Variants in IL1RAPL1 observed in about 807,000 individuals in gnomAD.
IL1RAPL1 encodes the protein interleukin 1 receptor accessory protein like 1, also known as interleukin-1 receptor accessory protein-like 1.
In IL1RAPL1, 3 loss-of-function variants were observed where a neutral mutation model predicts 48.4. The observed-to-expected ratio is 0.06, with a 90% CI of 0.03 to 0.16. The LOEUF (loss-of-function observed/expected upper bound fraction) is 0.16. IL1RAPL1 is among the 10% of genes least tolerant of loss of function. The probability of loss-of-function intolerance (pLI) is 1.00; values close to 1 mark genes in which losing one functional copy is unlikely to be tolerated. For missense variants in IL1RAPL1, 349 were observed against 530.6 expected (o/e 0.66, Z 3.36); for synonymous variants, 185 against 187.7 (o/e 0.99, Z 0.12).
chrX:29,583,831 G>T (rs925924883), intron 5 of IL1RAPL1, among the ~76,000 whole-genome samples: 2 of 111,398 alleles, frequency 1.8e-5, no homozygotes, highest in South Asian at 3.7e-4. Flanking sequence ...CATCTTAAAA[G>T]GATACATTGG....
At chrX:29,643,138 C>T (rs369699979) in intron 5 of IL1RAPL1, among the ~76,000 whole-genome samples, 10 of 112,185 alleles carry the variant, frequency 8.9e-5, no homozygotes, top group African/African-American at 1.9e-4. Context: ...TAGCTATGTA[C>T]GCTTTTTCTC....
intron 1 of IL1RAPL1, among the ~76,000 whole-genome samples, chrX:28,607,353 T>C (rs1313700885): frequency 9.0e-6 from 1 of 111,338 alleles, no homozygotes; most frequent in Non-Finnish European, 1.9e-5. Flanking sequence ...TTTAAAGATA[T>C]AGATTCTAGA....
intron 2 of IL1RAPL1, among the ~76,000 whole-genome samples, chrX:28,944,078 C>A (rs1924233475): frequency 9.1e-6 from 1 of 110,089 alleles, no homozygotes; most frequent in Non-Finnish European, 1.9e-5. Flanking sequence ...GTTATGGAAG[C>A]CAAAGATCGA....
intron 2 of IL1RAPL1, among the ~76,000 whole-genome samples, chrX:29,120,303 A>C (rs1381074515): frequency 9.0e-6 from 1 of 111,642 alleles, no homozygotes; most frequent in Non-Finnish European, 1.9e-5. Flanking sequence ...ATTCATCTCG[A>C]GTTATTTTTT....
At chrX:28,710,911 A>T (rs777394488) in intron 1 of IL1RAPL1, among the ~76,000 whole-genome samples, 4 of 112,320 alleles carry the variant, frequency 3.6e-5, no homozygotes, top group African/African-American at 1.3e-4. Flanking sequence ...ATCATATTGA[A>T]CGACAGGTAT....
chrX:29,537,298 A>C (rs1467748535), intron 5 of IL1RAPL1, among the ~76,000 whole-genome samples: 1 of 111,147 alleles, frequency 9.0e-6, no homozygotes, highest in African/African-American at 3.3e-5. Context: ...AGAGTAAACC[A>C]AAAAAGAGGA....
In IL1RAPL1 at chrX:29,004,096, C is replaced by T. The variant is rs1335371386; in HGVS notation, c.82+214671C>T. Reference sequence around the variant, plus strand: ...GGCAGAGGTTGCAGTAAGCCCAAATCGCACCACTACATTCCAGCACTATAC... The same window carrying T: ...GGCAGAGGTTGCAGTAAGCCCAAATTGCACCACTACATTCCAGCACTATAC... On this transcript the variant is annotated intron_variant, in intron 2 of 10. Transcript: ENST00000378993. Among the ~76,000 whole-genome samples, 18 of 110,758 alleles carry T rather than the reference C, an allele frequency of 1.6e-4. No homozygotes were observed. In the Admixed American group the frequency reaches 1.6e-3, roughly 10 times the overall value.
At chrX:29,116,309 A>G (rs1928677672) in intron 2 of IL1RAPL1, among the ~76,000 whole-genome samples, 1 of 110,866 alleles carries the variant, frequency 9.0e-6, no homozygotes, top group Non-Finnish European at 1.9e-5. Context: ...CAGTCAAAAA[A>G]GAATGGAGGG....
intron 2 of IL1RAPL1, among the ~76,000 whole-genome samples, chrX:28,984,225 A>C (rs781635231): frequency 9.0e-6 from 1 of 111,708 alleles, no homozygotes; most frequent in African/African-American, 3.2e-5. Flanking sequence ...ATTGTCTATA[A>C]ATTTTATTTT....
At chrX:28,704,269 C>CT (rs886830304) in intron 1 of IL1RAPL1, among the ~76,000 whole-genome samples, 6 of 110,214 alleles carry the variant, frequency 5.4e-5, no homozygotes, top group East Asian at 2.9e-4. Flanking sequence ...TATAATCTCC[C>CT]TTTTTTTTCA....
intron 8 of IL1RAPL1, among the ~76,000 whole-genome samples, chrX:29,920,840 G>GA (rs796830604): frequency 0.18 from 13,789 of 74,691 alleles, 926 homozygotes; most frequent in Non-Finnish European, 0.23. Flanking sequence ...AAAGAAAAGA[G>GA]AAAAAAAAAA....
At chrX:28,691,294 A>G (rs1935176394) in intron 1 of IL1RAPL1, among the ~76,000 whole-genome samples, 2 of 111,145 alleles carry the variant, frequency 1.8e-5, no homozygotes, top group South Asian at 3.8e-4. Context: ...TACAGTTACC[A>G]TTGTCTGAAA....
chrX:28,934,832 T>C (rs1338032530), intron 2 of IL1RAPL1, among the ~76,000 whole-genome samples: 1 of 112,184 alleles, frequency 8.9e-6, no homozygotes, highest in Non-Finnish European at 1.9e-5. Context: ...GTTATAATGC[T>C]ACTATGAACA....
At chrX:29,108,836 G>A (rs1179343795) in intron 2 of IL1RAPL1, among the ~76,000 whole-genome samples, 2 of 111,524 alleles carry the variant, frequency 1.8e-5, no homozygotes, top group African/African-American at 3.3e-5. Context: ...CTTCAATGAC[G>A]CTGAAGAGAA....
At chrX:29,178,812 A>G (rs1179630133) in intron 2 of IL1RAPL1, among the ~76,000 whole-genome samples, 2 of 111,902 alleles carry the variant, frequency 1.8e-5, no homozygotes, top group African/African-American at 6.5e-5. Flanking sequence ...CTTTCTACAT[A>G]TGGCTAGCCA....
At chrX:29,738,450 CTTTTTTTTT>C (rs59952038) in intron 6 of IL1RAPL1, among the ~76,000 whole-genome samples, 1 of 86,165 alleles carries the variant, frequency 1.2e-5, no homozygotes, top group African/African-American at 4.7e-5. Context: ...CTTTTCTTTT[CTTTTTTTTT>C]TTTTTTTTTG....
chrX:28,772,536 C>T (rs1936321090), intron 1 of IL1RAPL1, among the ~76,000 whole-genome samples: 1 of 111,180 alleles, frequency 9.0e-6, no homozygotes, highest in African/African-American at 3.3e-5. Flanking sequence ...GTATTTAGAC[C>T]CCATCATGCT....
At chrX:28,893,627 T>C (rs1436356738) in intron 2 of IL1RAPL1, among the ~76,000 whole-genome samples, 1 of 111,335 alleles carries the variant, frequency 9.0e-6, no homozygotes, top group African/African-American at 3.3e-5. Flanking sequence ...GCTTGATGTG[T>C]AGGGAAGGGA....
At chrX:29,262,594 C>T (rs1011026975) in intron 2 of IL1RAPL1, among the ~76,000 whole-genome samples, 3 of 108,758 alleles carry the variant, frequency 2.8e-5, no homozygotes, top group South Asian at 4.1e-4. Flanking sequence ...ACCCAAGAGA[C>T]GGAGGTTGCA....
Sources: gnomAD v4.1 joint callset for allele counts (sites outside exome capture counted in the v4.1 genomes callset) on GRCh38, gnomAD v4.1.1 for gene constraint, MANE v1.5 for transcripts, NCBI Gene and HGNC (gene_info 2026-07-23, HGNC 2026-07-21) for gene names.